EYA2: variants seen among roughly 807,000 people sequenced by gnomAD.
EYA2 encodes the protein protein phosphatase EYA2.
A neutral mutation model predicts 69.2 loss-of-function variants in EYA2; 31 were observed. The observed-to-expected ratio is 0.45, with a 90% CI of 0.34 to 0.60. The LOEUF (loss-of-function observed/expected upper bound fraction) is 0.60, where lower values mean the gene tolerates loss of function less well. Among genes scored for constraint, EYA2 ranks in the 20% least tolerant of loss-of-function variants. The pLI is 0.02. For synonymous variants in EYA2, 257 were observed against 279.4 expected (o/e 0.92, Z 0.80); for missense variants, 622 against 701.2 (o/e 0.89, Z 1.28).
intron 5 of EYA2, among the ~76,000 whole-genome samples, chr20:47,034,447 G>A (rs1984587324): frequency 1.3e-5 from 2 of 152,222 alleles, no homozygotes; most frequent in African/African-American, 4.8e-5. Context: ...GATGAGTAGA[G>A]TCTGGATGCA....
intron 1 of EYA2, among the ~76,000 whole-genome samples, chr20:46,912,080 T>A (rs546601027): frequency 1.3e-5 from 2 of 152,288 alleles, no homozygotes. Context: ...TATCAATAAA[T>A]AATCTTGCAA....
At chr20:47,058,184 A>C (rs1568751292) in intron 5 of EYA2, among the ~76,000 whole-genome samples, 1 of 152,234 alleles carries the variant, frequency 6.6e-6, no homozygotes, top group Non-Finnish European at 1.5e-5. Context: ...GAAGACAACA[A>C]GCCCAAGGAG....
chr20:46,939,573 G>A (rs1568677066), intron 1 of EYA2, among the ~76,000 whole-genome samples: 1 of 151,996 alleles, frequency 6.6e-6, no homozygotes, highest in East Asian at 1.9e-4. Context: ...CTTGTTATTT[G>A]CAACAGAAAG....
chr20:47,054,419 A>G (rs1366222979), intron 5 of EYA2, among the ~76,000 whole-genome samples: 1 of 152,186 alleles, frequency 6.6e-6, no homozygotes, highest in Non-Finnish European at 1.5e-5. Context: ...TATTTGTCGA[A>G]TTCATGAATC....
intron 1 of EYA2, among the ~76,000 whole-genome samples, chr20:46,915,727 T>C (rs183217691): frequency 3.9e-5 from 6 of 152,328 alleles, no homozygotes; most frequent in Admixed American, 6.5e-5. Flanking sequence ...TCTGGGGCCA[T>C]TGGGAGATCT....
At chr20:47,087,142 T>C (rs2031920930) in intron 7 of EYA2, among the ~76,000 whole-genome samples, 1 of 152,222 alleles carries the variant, frequency 6.6e-6, no homozygotes, top group South Asian at 2.1e-4. Flanking sequence ...CAAAATCATG[T>C]CTTGTCTTAT....
At chr20:47,091,087 G>T (rs1359853961) in intron 8 of EYA2, among the ~76,000 whole-genome samples, 1 of 152,118 alleles carries the variant, frequency 6.6e-6, no homozygotes, top group East Asian at 1.9e-4. Context: ...GCAATGCTCA[G>T]CCACAAACTC....
intron 1 of EYA2, among the ~76,000 whole-genome samples, chr20:46,956,680 G>A (rs1979144807): frequency 6.6e-6 from 1 of 152,218 alleles, no homozygotes; most frequent in Non-Finnish European, 1.5e-5. Context: ...ACTGAGAAAT[G>A]CAGCGTAGAT....
chr20:47,075,380 A>T (rs2031478487), intron 7 of EYA2, among the ~76,000 whole-genome samples: 1 of 151,890 alleles, frequency 6.6e-6, no homozygotes, highest in Non-Finnish European at 1.5e-5. Context: ...TATTATCCCC[A>T]CCCTTTTTCT....
rs149874224 is a variant in EYA2, at chr20:46,935,317, C to G, written c.-11+40330C>G. 5.1e-4 allele frequency among the ~76,000 whole-genome samples: 78 copies of G among 152,352 alleles called. 1 individual carries two copies. Among genetic ancestry groups the G allele is most frequent in the Non-Finnish European group, 8.8e-5 (6 of 68,034 alleles). ...AGATTTGAATCCTTGCTGTCCCATG[C>G]ACTGGCTGTGTGACCTGCCGCACCT... On this transcript the variant is annotated intron_variant, in intron 1 of 15. Transcript: ENST00000327619.
chr20:47,018,081 G>A (rs112112533), intron 5 of EYA2, among the ~76,000 whole-genome samples: 1 of 152,180 alleles, frequency 6.6e-6, no homozygotes, highest in African/African-American at 2.4e-5. Flanking sequence ...GATGGCACCG[G>A]CCCTGATAAC....
rs200465393 is a variant in EYA2, at chr20:46,966,504, T to TA, written c.-10-23489dup. Among the ~76,000 whole-genome samples the TA allele has an allele frequency of 7.4e-3, 1,127 of 151,406 alleles. 30 individuals carry two copies. The highest frequency in any genetic ancestry group is 0.058 in the Admixed American group (881 of 15,200). ...ACTGCAAATTTTCTAGTAGCCTTGT[T>TA]AAAAAAAATATGTAAAACAGCAGGC... On this transcript the variant is annotated intron_variant, in intron 1 of 15. Coordinates refer to ENST00000327619, the MANE Select transcript of EYA2 (RefSeq NM_005244.5).
At chr20:47,000,613 C>G (rs2146344104) in intron 2 of EYA2, among the ~76,000 whole-genome samples, 1 of 152,302 alleles carries the variant, frequency 6.6e-6, no homozygotes, top group East Asian at 1.9e-4. Flanking sequence ...AAAGTACTTC[C>G]CAGTGAACTG....
chr20:47,135,138 A>T (rs972890160), intron 9 of EYA2, among the ~76,000 whole-genome samples: 3 of 150,588 alleles, frequency 2.0e-5, no homozygotes, highest in Admixed American at 1.3e-4. Context: ...AAAAAAAAAA[A>T]AAAAAAAAAA....
chr20:47,121,124 T>C (rs2033033291), intron 9 of EYA2, among the ~76,000 whole-genome samples: 2 of 152,200 alleles, frequency 1.3e-5, no homozygotes, highest in African/African-American at 4.8e-5. Flanking sequence ...AGACAGAGTC[T>C]TTCTCTGTTG....
At chr20:46,902,773 T>C (rs1003767783) in intron 1 of EYA2, among the ~76,000 whole-genome samples, 10 of 152,222 alleles carry the variant, frequency 6.6e-5, no homozygotes, top group Non-Finnish European at 1.5e-4. Context: ...CCTATGGAAA[T>C]GGTCGTAGCA....
chr20:46,989,952 A>C, intron 1 of EYA2, 49 bp from the exon 2 acceptor site: 11 of 882,440 alleles, frequency 1.2e-5, no homozygotes, highest in East Asian at 2.5e-5. Flanking sequence ...ATCATTAGCA[A>C]GCATGCATAA....
chr20:46,904,833 T>C (rs1432301024), intron 1 of EYA2, among the ~76,000 whole-genome samples: 1 of 152,150 alleles, frequency 6.6e-6, no homozygotes, highest in Non-Finnish European at 1.5e-5. Flanking sequence ...AGATGGCGGA[T>C]TGTATCACTG....
chr20:47,112,944 T>C (rs981900952), intron 9 of EYA2, among the ~76,000 whole-genome samples: 5 of 140,936 alleles, frequency 3.5e-5, no homozygotes, highest in East Asian at 4.3e-4. Flanking sequence ...ATGTCTTGGC[T>C]CACTGCAACC....
Sources: gnomAD v4.1 joint callset for allele counts (sites outside exome capture counted in the v4.1 genomes callset) on GRCh38, gnomAD v4.1.1 for gene constraint, MANE v1.5 for transcripts, NCBI Gene and HGNC (gene_info 2026-07-23, HGNC 2026-07-21) for gene names.